The following ADGRL3 variants were observed in gnomAD, a reference collection of about 807,000 sequenced individuals.
ADGRL3 encodes the protein calcium-independent alpha-latrotoxin receptor 3.
In ADGRL3, 62 loss-of-function variants were observed where a neutral mutation model predicts 153.5. The observed-to-expected ratio is 0.40, with a 90% CI of 0.33 to 0.50. The LOEUF is 0.50. Among genes scored for constraint, ADGRL3 ranks in the 20% least tolerant of loss-of-function variants. The probability of loss-of-function intolerance (pLI) is 0.47; values close to 1 mark genes in which losing one functional copy is unlikely to be tolerated. For missense variants in ADGRL3, 1,641 were observed against 1,859.4 expected, an observed-to-expected ratio of 0.88 and a Z score of 2.16; for synonymous variants, 710 against 672.5, an observed-to-expected ratio of 1.06 and a Z score of -0.86.
intron 18 of ADGRL3, among the ~76,000 whole-genome samples, chr4:61,981,540 GA>G (rs201863055): frequency 2.0e-4 from 28 of 140,250 alleles, no homozygotes; most frequent in Non-Finnish European, 2.7e-4. Context: ...GGAAAGAAAA[GA>G]AAAAAAAAAG....
chr4:61,237,265 A>C lies in ADGRL3; in HGVS notation c.-240+35500A>C, dbSNP rs571271035. ...ATCCTTTCAATTTTAAGTAGCATTA[A>C]ATGAAGTATTTTTACATTGCCATAT... On this transcript the variant is annotated intron_variant, in intron 1 of 26. Coordinates refer to ENST00000683033, the MANE Select transcript of ADGRL3 (RefSeq NM_001387552.1). Among the ~76,000 whole-genome samples, 4 of 152,324 alleles carry C rather than the reference A, an allele frequency of 2.6e-5. No individual in the cohort carries two copies. The East Asian group carries it at 7.7e-4, about 29-fold the overall frequency.
intron 2 of ADGRL3, among the ~76,000 whole-genome samples, chr4:61,487,272 C>G (rs559802567): frequency 2.6e-5 from 4 of 152,266 alleles, no homozygotes; most frequent in Admixed American, 2.6e-4. Context: ...GTGGCCTCAA[C>G]AAGTTCTTTA....
At position 61,639,796 on chromosome 4, in the gene ADGRL3, C is replaced by T. The variant is rs543975627; in HGVS notation, c.474-37030C>T. ...TGTGTTCATAAGTATAATTTTTCAA[C>T]TTCAATCATATAGCCCATATTAAAT... On this transcript the variant is annotated intron_variant, in intron 5 of 26. Transcript: ENST00000683033. 3.0e-3 allele frequency among the ~76,000 whole-genome samples: 454 copies of T among 152,230 alleles called. 3 individuals carry two copies. Among genetic ancestry groups the T allele is most frequent in the African/African-American group, 0.01 (432 of 41,544 alleles).
intron 8 of ADGRL3, 65 bp downstream of exon 8, chr4:61,733,619 T>G (rs1198902294): frequency 1.7e-6 from 2 of 1,153,620 alleles, no homozygotes; most frequent in Non-Finnish European, 2.5e-6. Flanking sequence ...GCAAGTTCAT[T>G]TTATGTTTTT....
chr4:62,067,757 A>G (rs1163496972), intron 25 of ADGRL3, among the ~76,000 whole-genome samples: 1 of 152,064 alleles, frequency 6.6e-6, no homozygotes, highest in East Asian at 1.9e-4. Flanking sequence ...TTTAAAATTA[A>G]ATAACATTCC....
chr4:61,547,460 C>T (rs911806932), intron 4 of ADGRL3, among the ~76,000 whole-genome samples: 1 of 151,794 alleles, frequency 6.6e-6, no homozygotes, highest in African/African-American at 2.4e-5. Context: ...TTTGTTGCTC[C>T]CTTCTTTGTG....
At chr4:61,230,023 T>G (rs1505660) in intron 1 of ADGRL3, among the ~76,000 whole-genome samples, 150,672 of 152,202 alleles carry the variant, frequency 0.99, 74,589 homozygotes, top group Middle Eastern at 1. Flanking sequence ...TAACCATAAG[T>G]ACTCAAAAAT....
At chr4:61,424,952 G>A (rs190216636) in intron 2 of ADGRL3, among the ~76,000 whole-genome samples, 87 of 152,216 alleles carry the variant, frequency 5.7e-4, no homozygotes, top group African/African-American at 2.0e-3. Flanking sequence ...ACAGTGGCAG[G>A]CACAAAGGCC....
At chr4:61,601,152 A>G (rs2099010003) in intron 5 of ADGRL3, among the ~76,000 whole-genome samples, 2 of 152,110 alleles carry the variant, frequency 1.3e-5, no homozygotes. Flanking sequence ...TTATCTCTCT[A>G]TGAATTTGAG....
intron 21 of ADGRL3, 28 bp from the exon 22 acceptor site, chr4:62,028,827 C>G (rs1182299987): frequency 6.3e-7 from 1 of 1,588,784 alleles, no homozygotes; most frequent in Non-Finnish European, 8.6e-7. Context: ...TGTTGGTGTT[C>G]TTGTCTTTAT....
intron 2 of ADGRL3, among the ~76,000 whole-genome samples, chr4:61,428,891 TATC>T (rs1553927243): frequency 2.6e-5 from 2 of 77,482 alleles, no homozygotes; most frequent in African/African-American, 7.6e-5. Context: ...TATCTATCTA[TATC>T]ATCTATCTAT....
At chr4:61,572,333 T>C (rs1047233407) in intron 4 of ADGRL3, among the ~76,000 whole-genome samples, 29 of 152,130 alleles carry the variant, frequency 1.9e-4, no homozygotes, top group African/African-American at 7.0e-4. Context: ...AAATACTTTG[T>C]GTGCAGTTAT....
At chr4:61,455,840 G>A (rs536657874) in intron 2 of ADGRL3, among the ~76,000 whole-genome samples, 29 of 151,982 alleles carry the variant, frequency 1.9e-4, no homozygotes, top group African/African-American at 6.8e-4. Context: ...TTTGGAAACA[G>A]AGTCTCACTC....
intron 25 of ADGRL3, among the ~76,000 whole-genome samples, chr4:62,046,367 A>G (rs28434563): frequency 0.026 from 3,986 of 152,024 alleles, 184 homozygotes; most frequent in African/African-American, 0.092. Context: ...ATGAATGCAA[A>G]CTATTTATGG....
chr4:61,473,214 TGTGTG>T (rs2097990070), intron 2 of ADGRL3, among the ~76,000 whole-genome samples: 1 of 1,060 alleles, frequency 9.4e-4, no homozygotes, highest in African/African-American at 1.0e-3. Flanking sequence ...TGTGTTTGTG[TGTGTG>T]TGTGTGTGTG....
At chr4:62,040,945 A>C (rs1340059937) in intron 24 of ADGRL3, among the ~76,000 whole-genome samples, 3 of 152,090 alleles carry the variant, frequency 2.0e-5, no homozygotes, top group Non-Finnish European at 4.4e-5. Flanking sequence ...AAAATGGCTA[A>C]TGCAAAGCCT....
At chr4:61,793,512 ACCTCCCACTGGGT>A (rs2097369992) in intron 8 of ADGRL3, among the ~76,000 whole-genome samples, 1 of 152,110 alleles carries the variant, frequency 6.6e-6, no homozygotes, top group Non-Finnish European at 1.5e-5. Context: ...TGATTCAGTT[ACCTCCCACTGGGT>A]CCCTCCCACA....
At chr4:61,457,124 G>C (rs1210873489) in intron 2 of ADGRL3, among the ~76,000 whole-genome samples, 1 of 151,538 alleles carries the variant, frequency 6.6e-6, no homozygotes, top group Non-Finnish European at 1.5e-5. Context: ...TTTCCATTAT[G>C]TTTTTTAAAA....
intron 8 of ADGRL3, among the ~76,000 whole-genome samples, chr4:61,761,245 G>A (rs528868705): frequency 3.9e-5 from 6 of 152,164 alleles, no homozygotes; most frequent in Non-Finnish European, 8.8e-5. Context: ...GTCCTACAAA[G>A]GCAATCTAGT....
Sources: gnomAD v4.1 joint callset for allele counts (sites outside exome capture counted in the v4.1 genomes callset) on GRCh38, gnomAD v4.1.1 for gene constraint, MANE v1.5 for transcripts, NCBI Gene and HGNC (gene_info 2026-07-23, HGNC 2026-07-21) for gene names.